Variants in ATP1A1 observed in about 807,000 individuals in gnomAD.
ATP1A1 encodes ATPase Na+/K+ transporting subunit alpha 1.
Under a neutral mutation model 114.8 loss-of-function variants are expected in ATP1A1, and 14 were observed. The ratio of observed to expected loss-of-function variants is 0.12; its 90% CI spans 0.08 to 0.19. The LOEUF (loss-of-function observed/expected upper bound fraction) is 0.19. Among genes scored for constraint, ATP1A1 ranks in the 10% least tolerant of loss-of-function variants. The pLI is 1.00. For synonymous variants in ATP1A1, 471 were observed against 466.3 expected (o/e 1.01, Z -0.13); for missense variants, 524 against 1,290.7 (o/e 0.41, Z 9.10).
At position 116,373,270 on chromosome 1, in the gene ATP1A1, G is replaced by T. The variant is rs850621; in HGVS notation, c.-242G>T. On this transcript the variant is annotated 5_prime_UTR_variant, in exon 1 of 23. Coordinates refer to ENST00000295598, the MANE Select transcript of ATP1A1 (RefSeq NM_000701.8). Reference sequence around the variant, plus strand: ...GAGCTGCGGCGGGGTCTGGGGCGCAGAGCAGCGGCGGGAGGAGGCGGACAC... The same window carrying T: ...GAGCTGCGGCGGGGTCTGGGGCGCATAGCAGCGGCGGGAGGAGGCGGACAC... 5.1e-6 allele frequency: 2 copies of T among 394,954 alleles called. No individual in the cohort carries two copies. Among genetic ancestry groups the T allele is most frequent in the South Asian group, 6.7e-5 (1 of 14,832 alleles). The allele number at this position is 394,954 out of a possible 1,614,324, so 24.5% of individuals were successfully genotyped here. A position where few individuals can be genotyped will look rare whatever the true frequency, so the allele number is the denominator to read the frequency against.
chr1:116,380,150 ACCAAGTGTTATT>A, intron 1 of ATP1A1, among the ~76,000 whole-genome samples: 1 of 152,340 alleles, frequency 6.6e-6, no homozygotes, highest in Admixed American at 6.5e-5. Flanking sequence ...TAATAGTTAT[ACCAAGTGTTATT>A]CCCATTTTAG....
In ATP1A1 at chr1:116,392,938, A is replaced by G. The variant is rs370297737; in HGVS notation, c.1417A>G (p.Arg473Gly). Residue 473 changes from arginine to glycine, a missense_variant, in exon 11 of 23, where the codon AGA becomes GGA. Physicochemically the swap from Arg to Gly is moderately radical, Grantham distance 125. Coordinates refer to ENST00000295598, the MANE Select transcript of ATP1A1 (RefSeq NM_000701.8). ...TGGTTCCGTGAAGGAGATGAGAGAA[A>G]GATACGCCAAAATCGTCGAGATACC... Reference protein sequence around the residue: ...CCGSVKEMRERYAKIVEIPFN... With the variant: ...CCGSVKEMREGYAKIVEIPFN... 1.1e-5 allele frequency: 18 copies of G among 1,614,012 alleles called. No individual in the cohort carries two copies. The Admixed American group carries it at 2.7e-4, about 24-fold the overall frequency.
chr1:116,404,769 A>G lies in ATP1A1; in HGVS notation c.*325A>G. 1 of 1,117,224 alleles carries G rather than the reference A, an allele frequency of 9.0e-7. No homozygotes were observed. The highest frequency in any genetic ancestry group is 1.1e-6 in the Non-Finnish European group (1 of 916,712). 69.2% of individuals were successfully genotyped at this position (1,117,224 alleles called of 1,614,324 possible). A position where few individuals can be genotyped will look rare whatever the true frequency, so the allele number is the denominator to read the frequency against. On this transcript the variant is annotated 3_prime_UTR_variant, in exon 23 of 23. Transcript: ENST00000295598. The surrounding 1 kb of genome is among the most constrained non-coding windows in gnomAD (Gnocchi z 4.8). ...TTTACAAATAAAGATGGCTATTATA[A>G]TGGAATTTGTCTGTGCCCTCGTCGC... is the stretch of plus-strand genomic sequence containing the variant.
Position 116,388,350 on chromosome 1 carries a change from C to A in ATP1A1, c.501+106C>A. 1 of 1,056,314 alleles carries A rather than the reference C, an allele frequency of 9.5e-7. No individual in the cohort carries two copies. Among genetic ancestry groups the A allele is most frequent in the East Asian group, 2.5e-5 (1 of 39,784 alleles). 65.4% of individuals were successfully genotyped at this position (1,056,314 alleles called of 1,614,324 possible). On this transcript the variant is annotated intron_variant, in intron 5 of 22. Transcript: ENST00000295598. This position sits in a 1 kb window ranked among gnomAD's most constrained non-coding sequence, Gnocchi z 5.6. Reference sequence around the variant, plus strand: ...GTTTTCCAAGTATTACATGACTCATCAGAGAGATGGATGTCTTCTACCCCA... The same window carrying A: ...GTTTTCCAAGTATTACATGACTCATAAGAGAGATGGATGTCTTCTACCCCA...
At position 116,396,750 on chromosome 1, in the gene ATP1A1, C is replaced by G; in HGVS notation, c.1973+16C>G. ...TGAACCCCAGGTAAGGCAGGAAGCT[C>G]AAATCACAGTCTGCTGTGAACAAGC... On this transcript the variant is annotated intron_variant, in intron 14 of 22. Coordinates refer to ENST00000295598, the MANE Select transcript of ATP1A1 (RefSeq NM_000701.8). 1 of 1,556,544 alleles carries G rather than the reference C, an allele frequency of 6.4e-7. No individual in the cohort carries two copies. Among genetic ancestry groups the G allele is most frequent in the Non-Finnish European group, 8.7e-7 (1 of 1,148,516 alleles).
Position 116,381,018 on chromosome 1 carries a change from CAG to C in ATP1A1, c.13-2992_13-2991del, listed in dbSNP as rs1651707698. On this transcript the variant is annotated intron_variant, in intron 1 of 22. Transcript: ENST00000295598. The surrounding 1 kb of genome is among the most constrained non-coding windows in gnomAD (Gnocchi z 5.1). ...GTTGAGTTTCCATTGTACCTTTCCT[CAG>C]AGATGCTCAAAGGGGCGGGGGTGCC... is the stretch of plus-strand genomic sequence containing the variant. 6.6e-6 allele frequency among the ~76,000 whole-genome samples: 1 copy of C among 152,064 alleles called. No individual in the cohort carries two copies. The highest frequency in any genetic ancestry group is 6.5e-5 in the Admixed American group (1 of 15,280).
chr1:116,401,321 C>G lies in ATP1A1; in HGVS notation c.2849+61C>G. The G allele has an allele frequency of 1.2e-6, 2 of 1,605,740 alleles. No individual in the cohort carries two copies. Among genetic ancestry groups the G allele is most frequent in the South Asian group, 1.1e-5 (1 of 90,816 alleles). ...AAGAAGGGGACTGGTGATTTGTAAA[C>G]CCTTTGCCAAAAACTAAACATATGA... On this transcript the variant is annotated intron_variant, in intron 20 of 22. Coordinates refer to ENST00000295598, the MANE Select transcript of ATP1A1 (RefSeq NM_000701.8). This position sits in a 1 kb window ranked among gnomAD's most constrained non-coding sequence, Gnocchi z 4.7.
intron 18 of ATP1A1, 49 bp from the exon 19 acceptor site, chr1:116,400,812 G>GTA: frequency 6.2e-7 from 1 of 1,603,272 alleles, no homozygotes; most frequent in Non-Finnish European, 8.5e-7. Flanking sequence ...GGCTATACAG[G>GTA]TACCCTTGTG....
At chr1:116,374,691 C>A (rs1651238586) in intron 1 of ATP1A1, among the ~76,000 whole-genome samples, 3 of 152,274 alleles carry the variant, frequency 2.0e-5, no homozygotes, top group Admixed American at 1.3e-4. Flanking sequence ...CCTCGGAGTT[C>A]ATGGGGTGAA....
chr1:116,379,061 A>G (rs555790413), intron 1 of ATP1A1, among the ~76,000 whole-genome samples: 32 of 152,190 alleles, frequency 2.1e-4, no homozygotes, highest in Non-Finnish European at 3.8e-4. Context: ...TAGAATTTTT[A>G]TTTTTTGAAT....
intron 21 of ATP1A1, among the ~76,000 whole-genome samples, chr1:116,402,539 T>G (rs1998447): frequency 0.23 from 34,468 of 152,226 alleles, 10,657 homozygotes; most frequent in African/African-American, 0.71. Flanking sequence ...TTCCTGTGGG[T>G]TATGTGCAGA....
Position 116,393,283 on chromosome 1 carries a change from T to C in ATP1A1, c.1468-248T>C, listed in dbSNP as rs1195621048. ...CAAGTGTTCCCCAATCCCTGTGTTCTGAAATTTCGTATGTTCTTTTTTAAT... is the reference window on the plus strand; with the variant it reads ...CAAGTGTTCCCCAATCCCTGTGTTCCGAAATTTCGTATGTTCTTTTTTAAT... On this transcript the variant is annotated intron_variant, in intron 11 of 22. Transcript: ENST00000295598. The surrounding 1 kb of genome is among the most constrained non-coding windows in gnomAD (Gnocchi z 5.0). Among the ~76,000 whole-genome samples, 3 of 152,054 alleles carry C rather than the reference T, an allele frequency of 2.0e-5. No homozygotes were observed. Among genetic ancestry groups the C allele is most frequent in the Non-Finnish European group, 4.4e-5 (3 of 68,026 alleles).
Position 116,401,393 on chromosome 1 carries a change from A to C in ATP1A1, c.2849+133A>C. On this transcript the variant is annotated intron_variant, in intron 20 of 22. Transcript: ENST00000295598. This position sits in a 1 kb window ranked among gnomAD's most constrained non-coding sequence, Gnocchi z 4.7. The stretch of plus-strand genomic sequence containing the variant: ...AATCTCTAGTTTATAGAGCAAATTT[A>C]GGAAGCAAGAAATGTAGCTTTCTAG... 6.7e-7 allele frequency: 1 copy of C among 1,503,134 alleles called. No individual in the cohort carries two copies. The highest frequency in any genetic ancestry group is 1.3e-5 in the South Asian group (1 of 78,246). The allele number at this position is 1,503,134 out of a possible 1,614,324, so 93.1% of individuals were successfully genotyped here. A position where few individuals can be genotyped will look rare whatever the true frequency, so the allele number is the denominator to read the frequency against.
intron 10 of ATP1A1, among the ~76,000 whole-genome samples, chr1:116,391,893 C>T (rs1164500197): frequency 2.0e-5 from 3 of 152,130 alleles, no homozygotes; most frequent in African/African-American, 7.2e-5. Context: ...TTCTGGAGTT[C>T]GGCCATGTTG....
rs762583802 is a variant in ATP1A1 at position 116,396,692 on chromosome 1, T to C, written c.1931T>C (p.Ile644Thr). 1.2e-6 allele frequency: 2 copies of C among 1,601,646 alleles called. No homozygotes were observed. Among genetic ancestry groups the C allele is most frequent in the Admixed American group, 1.7e-5 (1 of 58,282 alleles). Residue 644 changes from isoleucine to threonine, a missense_variant, in exon 14 of 23, where the codon ATT (isoleucine) becomes ACT (threonine). Around this residue, in one of 8 missense-constraint regions of ATP1A1, gnomAD observed 47 missense variants for 79.8 expected, o/e 0.59. Coordinates refer to ENST00000295598, the MANE Select transcript of ATP1A1 (RefSeq NM_000701.8). ...GAAGGCAATGAGACCGTGGAAGACA[T>C]TGCTGCCCGCCTCAACATCCCAGTC... ...ISEGNETVED[I>T]AARLNIPVSQ...
rs754953903 is a variant in ATP1A1, at chr1:116,398,683, C to T, written c.2187C>T (p.Asp729=). The change falls in exon 16 of 23, where the codon GAC becomes GAT. Residue 729 remains aspartate, a synonymous_variant. Transcript: ENST00000295598. This position sits in a 1 kb window ranked among gnomAD's most constrained non-coding sequence, Gnocchi z 6.1. ...VNDSPALKKA[D]IGVAMGIAGS... The stretch of plus-strand genomic sequence containing the variant: ...ACTCTCCAGCTTTGAAGAAAGCAGA[C>T]ATTGGGGTTGCTATGGGGATTGCTG... The T allele has an allele frequency of 2.0e-5, 32 of 1,614,014 alleles. No homozygotes were observed. Among genetic ancestry groups the T allele is most frequent in the Non-Finnish European group, 2.4e-5 (28 of 1,180,032 alleles).
In ATP1A1 at chr1:116,373,412, G is replaced by T; in HGVS notation, c.-100G>T. 2 of 903,200 alleles carry T rather than the reference G, an allele frequency of 2.2e-6. No individual in the cohort carries two copies. 55.9% of individuals were successfully genotyped at this position (903,200 alleles called of 1,614,324 possible). A position where few individuals can be genotyped will look rare whatever the true frequency, so the allele number is the denominator to read the frequency against. On this transcript the variant is annotated 5_prime_UTR_variant, in exon 1 of 23. Coordinates refer to ENST00000295598, the MANE Select transcript of ATP1A1 (RefSeq NM_000701.8). ...GCGGCAGCCCTAGCTCCCTCCACTT[G>T]GCTCCCCTGGTCCCGCTCGCTCGGC... is the stretch of plus-strand genomic sequence containing the variant.
Position 116,395,934 on chromosome 1 carries a change from G to A in ATP1A1, c.1836+649G>A, listed in dbSNP as rs957201551. Among the ~76,000 whole-genome samples the A allele has an allele frequency of 1.1e-4, 16 of 152,070 alleles. No homozygotes were observed. Among genetic ancestry groups the A allele is most frequent in the Admixed American group, 1.0e-3 (16 of 15,268 alleles). ...GCCCAGCTAATTTTTGTATTTTTAA[G>A]TAAAGATAGGGTTTCGCCACGTTGG... On this transcript the variant is annotated intron_variant, in intron 13 of 22. Coordinates refer to ENST00000295598, the MANE Select transcript of ATP1A1 (RefSeq NM_000701.8). The surrounding 1 kb of genome is among the most constrained non-coding windows in gnomAD (Gnocchi z 6.4).
At chr1:116,403,596 A>G (rs1291435020) in intron 21 of ATP1A1, among the ~76,000 whole-genome samples, 1 of 152,248 alleles carries the variant, frequency 6.6e-6, no homozygotes, top group Non-Finnish European at 1.5e-5. Context: ...TACTCTGCTC[A>G]TCCTATAAAC....
Sources: allele counts gnomAD v4.1 joint callset (sites outside exome capture counted in the v4.1 genomes callset), GRCh38; gene constraint gnomAD v4.1.1; regional missense constraint gnomAD v4.1.1; non-coding constraint Gnocchi (gnomAD v3.1); transcripts MANE v1.5; gene names NCBI Gene and HGNC (gene_info 2026-07-23, HGNC 2026-07-21).